The following CD74 variants were observed in gnomAD, a reference collection of about 807,000 sequenced individuals.
CD74 encodes HLA class II histocompatibility antigen gamma chain.
CD74 carries 20 observed loss-of-function variants against 37.1 expected under a neutral mutation model. The ratio of observed to expected loss-of-function variants is 0.54; its 90% CI spans 0.38 to 0.78. CD74 has a LOEUF of 0.78. Among genes scored for constraint, CD74 ranks in the 30% least tolerant of loss-of-function variants. The pLI is 0.00. For synonymous variants in CD74, 150 were observed against 152.0 expected (o/e 0.99, Z 0.10); for missense variants, 338 against 389.5 (o/e 0.87, Z 1.11).
chr5:150,406,541 G>C (rs1265745734), intron 3 of CD74, among the ~76,000 whole-genome samples: 1 of 152,180 alleles, frequency 6.6e-6, no homozygotes, highest in African/African-American at 2.4e-5. Flanking sequence ...TTCCTGCCCA[G>C]GGTTTTGTCC....
rs1368298657 is a variant in CD74, at chr5:150,412,772, C to T, written c.-23G>A. 1.9e-6 allele frequency: 3 copies of T among 1,613,484 alleles called. No homozygotes were observed. Among genetic ancestry groups the T allele is most frequent in the African/African-American group, 1.3e-5 (1 of 75,062 alleles). Reference sequence around the variant, plus strand: ...CATCTGGGACCCTGACCCCCCGGCTCGCCTCTTAAAGTCGGTGCTGGAGAG... The same window carrying T: ...CATCTGGGACCCTGACCCCCCGGCTTGCCTCTTAAAGTCGGTGCTGGAGAG... On this transcript the variant is annotated 5_prime_UTR_variant, in exon 1 of 9. Coordinates refer to ENST00000009530, the MANE Select transcript of CD74 (RefSeq NM_001025159.3).
At chr5:150,408,042 CTTTTG>C (rs1048239289) in intron 1 of CD74, among the ~76,000 whole-genome samples, 8 of 151,716 alleles carry the variant, frequency 5.3e-5, no homozygotes, top group African/African-American at 1.7e-4. Flanking sequence ...CGCGCCCAGC[CTTTTG>C]TTTTGTTTTT....
In CD74 at chr5:150,405,066, T is replaced by G. The variant is rs1332150470; in HGVS notation, c.537+19A>C. The G allele has an allele frequency of 4.6e-6, 7 of 1,528,166 alleles. No individual in the cohort carries two copies. In the South Asian group the frequency reaches 5.6e-5, roughly 12 times the overall value. The allele number at this position is 1,528,166 out of a possible 1,614,324, so 94.7% of individuals were successfully genotyped here. On this transcript the variant is annotated intron_variant, in intron 5 of 8. Coordinates refer to ENST00000009530, the MANE Select transcript of CD74 (RefSeq NM_001025159.3). Reference sequence around the variant, plus strand: ...CACCAGAGGAAAGAGAGAGTTCCCATGCAGGGAAACCTGCTGACCTTCCAG... The same window carrying G: ...CACCAGAGGAAAGAGAGAGTTCCCAGGCAGGGAAACCTGCTGACCTTCCAG...
Position 150,401,646 on chromosome 5 carries a change from T to C in CD74, c.*594A>G, listed in dbSNP as rs1769613032. 2.3e-6 allele frequency: 1 copy of C among 437,042 alleles called. No homozygotes were observed. The highest frequency in any genetic ancestry group is 3.2e-5 in the South Asian group (1 of 31,156). 27.1% of individuals were successfully genotyped at this position (437,042 alleles called of 1,614,324 possible). On this transcript the variant is annotated 3_prime_UTR_variant, in exon 9 of 9. Transcript: ENST00000009530. ...GAGCCAGGAGCCAGAGTGTTCTAAT[T>C]ACTACCTTTTATTCTAATGTGAACC...
Position 150,407,160 on chromosome 5 carries a change from A to G in CD74, c.290T>C (p.Leu97Pro). The G allele has an allele frequency of 6.2e-7, 1 of 1,613,548 alleles. No individual in the cohort carries two copies. Among genetic ancestry groups the G allele is most frequent in the African/African-American group, 1.3e-5 (1 of 74,912 alleles). Residue 97 changes from leucine to proline, a missense_variant, in exon 2 of 9, where the codon CTT (leucine) becomes CCT (proline). Physicochemically the swap from Leu to Pro is moderately conservative, Grantham distance 98 (BLOSUM62 -3). Transcript: ENST00000009530. This position sits in a 1 kb window ranked among gnomAD's most constrained non-coding sequence, Gnocchi z 4.4. ...NLQLENLRMKLPKPPKPVSKM... is the reference protein window; with the variant it reads ...NLQLENLRMKPPKPPKPVSKM... ...TGTAGGGGTGCACGCACGCTTGGGA[A>G]GCTTCATGCGCAGGTTCTCCAGCTG...
rs924576055 is a variant in CD74 at position 150,406,874 on chromosome 5, T to G, written c.378+7A>C. 3 of 1,488,880 alleles carry G rather than the reference T, an allele frequency of 2.0e-6. No individual in the cohort carries two copies. Among genetic ancestry groups the G allele is most frequent in the East Asian group, 2.3e-5 (1 of 42,936 alleles). The allele number at this position is 1,488,880 out of a possible 1,614,324, so 92.2% of individuals were successfully genotyped here. Reference sequence around the variant, plus strand: ...TGCCCCTCCCACCACCCTGGGGCTGTCCTTACCCCCTGGGGCAGGGCTCCC... The same window carrying G: ...TGCCCCTCCCACCACCCTGGGGCTGGCCTTACCCCCTGGGGCAGGGCTCCC... On this transcript the variant is annotated splice_region_variant and intron_variant, in intron 3 of 8. Coordinates refer to ENST00000009530, the MANE Select transcript of CD74 (RefSeq NM_001025159.3).
rs141207874 is a variant in CD74 at position 150,404,788 on chromosome 5, G to A, written c.538-21C>T. On this transcript the variant is annotated intron_variant, in intron 5 of 8. Transcript: ENST00000009530. ...AAGACCTAATACGGATAGAGGTGGA[G>A]GTCAGGTTCGATGGCCACCACCAAG... 4.2e-4 allele frequency: 631 copies of A among 1,506,716 alleles called. 4 individuals are homozygous for A. The African/African-American group carries it at 7.2e-3, about 17-fold the overall frequency. 93.3% of individuals were successfully genotyped at this position (1,506,716 alleles called of 1,614,324 possible). A position where few individuals can be genotyped will look rare whatever the true frequency, so the allele number is the denominator to read the frequency against.
intron 1 of CD74, among the ~76,000 whole-genome samples, chr5:150,408,578 T>C (rs1770134698): frequency 6.6e-6 from 1 of 152,100 alleles, no homozygotes; most frequent in Non-Finnish European, 1.5e-5. Context: ...CCTGGATGAA[T>C]TTCTCATGCT....
Position 150,404,577 on chromosome 5 carries a change from C to T in CD74, c.625+103G>A, listed in dbSNP as rs144373996. On this transcript the variant is annotated intron_variant, in intron 6 of 8. Transcript: ENST00000009530. ...AGAGCTGAGAGGATGGGAGATTCCG[C>T]GGTGCTGGGACCAGGGAGTGCTGGA... is the stretch of plus-strand genomic sequence containing the variant. 9.3e-4 allele frequency: 608 copies of T among 655,276 alleles called. 6 individuals carry two copies. The highest frequency in any genetic ancestry group is 6.7e-3 in the South Asian group (409 of 60,748). 40.6% of individuals were successfully genotyped at this position (655,276 alleles called of 1,614,324 possible). A position where few individuals can be genotyped will look rare whatever the true frequency, so the allele number is the denominator to read the frequency against.
chr5:150,411,273 G>A (rs1472513473), intron 1 of CD74, among the ~76,000 whole-genome samples: 1 of 152,182 alleles, frequency 6.6e-6, no homozygotes, highest in Non-Finnish European at 1.5e-5. Context: ...TATTATTACT[G>A]AGACTCAGGG....
chr5:150,411,492 G>A (rs1770338288), intron 1 of CD74, among the ~76,000 whole-genome samples: 1 of 152,254 alleles, frequency 6.6e-6, no homozygotes, highest in East Asian at 1.9e-4. Flanking sequence ...GGCAACAGCT[G>A]ACATCACACC....
In CD74 at chr5:150,412,900, C is replaced by A. The variant is rs976770425; in HGVS notation, c.-151G>T. 2.7e-6 allele frequency: 4 copies of A among 1,508,222 alleles called. No homozygotes were observed. The highest frequency in any genetic ancestry group is 3.5e-6 in the Non-Finnish European group (4 of 1,130,878). The allele number at this position is 1,508,222 out of a possible 1,614,324, so 93.4% of individuals were successfully genotyped here. ...CCCACTTTGGTGAAGCTGCCTTTTG[C>A]GGGGCAGGATGTGGGGCGGGGGGGC... On this transcript the variant is annotated 5_prime_UTR_variant, in exon 1 of 9. Coordinates refer to ENST00000009530, the MANE Select transcript of CD74 (RefSeq NM_001025159.3).
chr5:150,410,393 G>T (rs1194380484), intron 1 of CD74, among the ~76,000 whole-genome samples: 1 of 152,254 alleles, frequency 6.6e-6, no homozygotes, highest in Middle Eastern at 3.4e-3. Context: ...CATCTAAGTT[G>T]ATTAACCCTC....
rs1161863854 is a variant in CD74, at chr5:150,412,706, G to T, written c.44C>A (p.Pro15Gln). ...AAGGTCGCGCTGGTCATCCATGACTGGCTTCTGATCTTCCCGACAGCTCCT... is the reference window on the plus strand; with the variant it reads ...AAGGTCGCGCTGGTCATCCATGACTTGCTTCTGATCTTCCCGACAGCTCCT... ...RSRSCREDQK[P>Q]VMDDQRDLIS... The change falls in exon 1 of 9, where the codon CCA (proline) becomes CAA (glutamine). Residue 15 changes from proline to glutamine, a missense_variant. By Grantham distance (76) the Pro-to-Gln change is moderately conservative (BLOSUM62 -1). Coordinates refer to ENST00000009530, the MANE Select transcript of CD74 (RefSeq NM_001025159.3). 6.2e-7 allele frequency: 1 copy of T among 1,613,990 alleles called. No homozygotes were observed. The highest frequency in any genetic ancestry group is 8.5e-7 in the Non-Finnish European group (1 of 1,180,022).
chr5:150,406,071 G>A (rs1375963893), intron 4 of CD74, 188 bp downstream of exon 4: 8 of 542,306 alleles, frequency 1.5e-5, no homozygotes, highest in South Asian at 1.0e-4. Flanking sequence ...GCACCCAGCC[G>A]AGCCTGTTTA....
intron 6 of CD74, among the ~76,000 whole-genome samples, chr5:150,404,325 T>C (rs553686673): frequency 1.7e-3 from 258 of 152,306 alleles, no homozygotes; most frequent in African/African-American, 6.0e-3. Flanking sequence ...CGGGCAGCAC[T>C]GGGGCAAGGT....
intron 1 of CD74, among the ~76,000 whole-genome samples, chr5:150,408,609 C>T (rs1770137557): frequency 6.6e-6 from 1 of 152,182 alleles, no homozygotes; most frequent in Non-Finnish European, 1.5e-5. Context: ...ACCATCCAGA[C>T]CCTCGGACCT....
rs1261065179 is a variant in CD74 at position 150,402,269 on chromosome 5, G to C, written c.881-19C>G. 6.4e-7 allele frequency: 1 copy of C among 1,570,716 alleles called. No homozygotes were observed. The highest frequency in any genetic ancestry group is 8.7e-7 in the Non-Finnish European group (1 of 1,148,176). ...ATGGGGACTGGAGAGAGAAGCAGCAGGTTGAGGTTGGGGTCACCCATTTGT... is the reference window on the plus strand; with the variant it reads ...ATGGGGACTGGAGAGAGAAGCAGCACGTTGAGGTTGGGGTCACCCATTTGT... On this transcript the variant is annotated intron_variant, in intron 8 of 8. Coordinates refer to ENST00000009530, the MANE Select transcript of CD74 (RefSeq NM_001025159.3). This position sits in a 1 kb window ranked among gnomAD's most constrained non-coding sequence, Gnocchi z 4.2.
rs1769790196 is a variant in CD74 at position 150,403,852 on chromosome 5, C to CT, written c.626-541dup. On this transcript the variant is annotated intron_variant, in intron 6 of 8. Transcript: ENST00000009530. The surrounding 1 kb of genome is among the most constrained non-coding windows in gnomAD (Gnocchi z 4.5). ...CCAGCCTGGGCGACAGAGCCAGACT[C>CT]TATCTCAAAAACAAACAATCAAACA... Among the ~76,000 whole-genome samples the CT allele has an allele frequency of 6.6e-6, 1 of 152,240 alleles. No individual in the cohort carries two copies. The highest frequency in any genetic ancestry group is 2.4e-5 in the African/African-American group (1 of 41,464).
Sources: gnomAD v4.1 joint callset for allele counts (sites outside exome capture counted in the v4.1 genomes callset) on GRCh38, gnomAD v4.1.1 for gene constraint, Gnocchi (gnomAD v3.1) non-coding constraint, MANE v1.5 for transcripts, NCBI Gene and HGNC (gene_info 2026-07-23, HGNC 2026-07-21) for gene names.